FGF1: variants seen among roughly 807,000 people sequenced by gnomAD.
FGF1 encodes fibroblast growth factor 1.
Under a neutral mutation model 13.4 loss-of-function variants are expected in FGF1, and 9 were observed. That is an observed-to-expected ratio of 0.67 (90% CI 0.40 to 1.17). The LOEUF (loss-of-function observed/expected upper bound fraction) is 1.17, where lower values mean the gene tolerates loss of function less well. Among genes scored for constraint, FGF1 ranks in the 50% most tolerant of loss-of-function variants. The probability of loss-of-function intolerance (pLI) is 0.01; values close to 1 mark genes in which losing one functional copy is unlikely to be tolerated. For synonymous variants in FGF1, 93 were observed against 79.0 expected (o/e 1.18, Z -0.94); for missense variants, 156 against 192.7 (o/e 0.81, Z 1.13).
intron 2 of FGF1, chr5:142,601,099 C>T (rs1177508048): frequency 3.6e-6 from 2 of 561,962 alleles, no homozygotes; most frequent in East Asian, 9.0e-5. Flanking sequence ...TTCACGGTGC[C>T]TCGCTCCTTT....
At chr5:142,675,965 A>T (rs1022366290) in intron 1 of FGF1, among the ~76,000 whole-genome samples, 2 of 152,182 alleles carry the variant, frequency 1.3e-5, no homozygotes, top group Non-Finnish European at 2.9e-5. Context: ...CTCTTCTTTA[A>T]TCATTTTTTG....
chr5:142,646,928 T>C (rs1402034541), intron 1 of FGF1, among the ~76,000 whole-genome samples: 1 of 152,154 alleles, frequency 6.6e-6, no homozygotes, highest in African/African-American at 2.4e-5. Flanking sequence ...TTAGGATAAA[T>C]CAATCGGAGT....
intron 1 of FGF1, among the ~76,000 whole-genome samples, chr5:142,680,366 G>A (rs990826108): frequency 1.3e-5 from 2 of 152,168 alleles, no homozygotes; most frequent in Non-Finnish European, 2.9e-5. Context: ...GGCATGACAG[G>A]AATGGCAACT....
chr5:142,668,462 TC>T (rs1561716740), intron 1 of FGF1, among the ~76,000 whole-genome samples: 3 of 152,204 alleles, frequency 2.0e-5, no homozygotes, highest in Non-Finnish European at 4.4e-5. Flanking sequence ...TGTCCCATCC[TC>T]TTGACACCCC....
chr5:142,643,037 C>A (rs760397057), intron 1 of FGF1, among the ~76,000 whole-genome samples: 1 of 152,116 alleles, frequency 6.6e-6, no homozygotes, highest in East Asian at 1.9e-4. Context: ...TAAGGAAAAA[C>A]CAAGTTTTTC....
intron 1 of FGF1, among the ~76,000 whole-genome samples, chr5:142,660,774 A>G (rs1769073883): frequency 6.6e-6 from 1 of 152,110 alleles, no homozygotes; most frequent in Non-Finnish European, 1.5e-5. Context: ...GGCATCCCCT[A>G]CCATGGTAAA....
chr5:142,663,507 C>T (rs1350146763), intron 1 of FGF1, among the ~76,000 whole-genome samples: 1 of 152,152 alleles, frequency 6.6e-6, no homozygotes, highest in Non-Finnish European at 1.5e-5. Flanking sequence ...TTAAGTACAA[C>T]TGCCTTCTTC....
In FGF1 at chr5:142,647,733, T is replaced by C. The variant is rs535438159; in HGVS notation, c.-34-33572A>G. Among the ~76,000 whole-genome samples, 20 of 152,326 alleles carry C rather than the reference T, an allele frequency of 1.3e-4. No homozygotes were observed. In the South Asian group the frequency reaches 3.9e-3, roughly 30 times the overall value. On this transcript the variant is annotated intron_variant, in intron 1 of 3. Transcript: ENST00000337706. ...TGCATTTTGACTTTGACCTGTCACA[T>C]GAGGTCAGGTGTAGAATATTCCACA...
Position 142,595,291 on chromosome 5 carries a change from T to C in FGF1, c.467A>G (p.Ter156=), listed in dbSNP as rs1755016208. The C allele has an allele frequency of 1.9e-6, 3 of 1,613,218 alleles. No individual in the cohort carries two copies. The highest frequency in any genetic ancestry group is 1.7e-6 in the Non-Finnish European group (2 of 1,179,394). ...GGTCAACACCCAGAACAGATCTCTT[T>C]AATCAGAAGAGACTGGCAGGGGGAG... ...LFLPLPVSSD[*] is the part of the protein sequence containing the mutation. Residue 156 remains the stop codon, a stop_retained_variant, in exon 4 of 4, where the codon TAA becomes TGA. Coordinates refer to ENST00000337706, the MANE Select transcript of FGF1 (RefSeq NM_000800.5).
chr5:142,606,218 C>CTGTGTGTGTGTG lies in FGF1; in HGVS notation c.170-5425_170-5414dup, dbSNP rs61445131. On this transcript the variant is annotated intron_variant, in intron 2 of 3. Transcript: ENST00000337706. ...AAAATCTGCAACATTCTTTCTCTCT[C>CTGTGTGTGTGTG]TGTGTGTGTGTGTGTGTGTGTGTGT... Among the ~76,000 whole-genome samples the CTGTGTGTGTGTG allele has an allele frequency of 6.7e-3, 952 of 143,118 alleles. 7 individuals are homozygous for CTGTGTGTGTGTG. The highest frequency in any genetic ancestry group is 1.0e-2 in the East Asian group (50 of 5,002). The allele number at this position is 143,118 out of a possible 152,430, so 93.9% of individuals were successfully genotyped here. A position where few individuals can be genotyped will look rare whatever the true frequency, so the allele number is the denominator to read the frequency against.
intron 1 of FGF1, among the ~76,000 whole-genome samples, chr5:142,639,245 A>C (rs1231244545): frequency 1.3e-5 from 2 of 151,978 alleles, no homozygotes; most frequent in African/African-American, 4.8e-5. Flanking sequence ...CATTATTCAC[A>C]ATAGCCAAGA....
intron 1 of FGF1, among the ~76,000 whole-genome samples, chr5:142,629,125 A>C (rs1261524658): frequency 6.6e-6 from 1 of 152,116 alleles, no homozygotes; most frequent in Non-Finnish European, 1.5e-5. Context: ...AATTTTATAC[A>C]ATGTAGGAAG....
chr5:142,631,667 C>T (rs1395585526), intron 1 of FGF1, among the ~76,000 whole-genome samples: 1 of 152,166 alleles, frequency 6.6e-6, no homozygotes, highest in Non-Finnish European at 1.5e-5. Flanking sequence ...GCTTTATCCT[C>T]ACCAGGGGTT....
chr5:142,638,024 T>C (rs754211011), intron 1 of FGF1, among the ~76,000 whole-genome samples: 1 of 152,102 alleles, frequency 6.6e-6, no homozygotes, highest in Non-Finnish European at 1.5e-5. Flanking sequence ...GAATCTACTA[T>C]GTTCTGGCTG....
intron 1 of FGF1, among the ~76,000 whole-genome samples, chr5:142,648,870 G>A (rs1766686864): frequency 6.6e-6 from 1 of 152,054 alleles, no homozygotes; most frequent in African/African-American, 2.4e-5. Context: ...GAAGAGGTCG[G>A]AGAGAATCAG....
intron 1 of FGF1, among the ~76,000 whole-genome samples, chr5:142,646,230 T>C (rs1766068059): frequency 7.1e-6 from 1 of 141,052 alleles, no homozygotes; most frequent in African/African-American, 2.7e-5. Flanking sequence ...TTTTTTTTTT[T>C]TTTGGAGACA....
intron 2 of FGF1, among the ~76,000 whole-genome samples, chr5:142,609,058 A>G (rs1758473470): frequency 1.3e-5 from 2 of 151,984 alleles, no homozygotes; most frequent in African/African-American, 4.8e-5. Flanking sequence ...AAGTGCCTTA[A>G]CTGCTAGGTG....
intron 1 of FGF1, among the ~76,000 whole-genome samples, chr5:142,619,073 T>C (rs1464305238): frequency 6.6e-6 from 1 of 151,778 alleles, no homozygotes; most frequent in Non-Finnish European, 1.5e-5. Context: ...TAGCTGGGAC[T>C]ACAGGCGCCT....
chr5:142,691,363 A>C (rs1452436566), intron 2 of FGF1, among the ~76,000 whole-genome samples: 1 of 151,932 alleles, frequency 6.6e-6, no homozygotes, highest in Non-Finnish European at 1.5e-5. Context: ...TGGAGGTTGC[A>C]GTGAGCCGAG....
Sources: gnomAD v4.1 joint callset for allele counts (sites outside exome capture counted in the v4.1 genomes callset) on GRCh38, gnomAD v4.1.1 for gene constraint, MANE v1.5 for transcripts, NCBI Gene and HGNC (gene_info 2026-07-23, HGNC 2026-07-21) for gene names.